Variants in B3GALT1 observed in about 807,000 individuals in gnomAD.
The protein encoded by B3GALT1 is beta-1,3-galactosyltransferase 1.
Under a neutral mutation model 23.2 loss-of-function variants are expected in B3GALT1, and 10 were observed. That is an observed-to-expected ratio of 0.43 (90% CI 0.27 to 0.73). B3GALT1 has a LOEUF of 0.73. Ranked by LOEUF, B3GALT1 falls within the 30% of genes least tolerant of loss-of-function variation. The probability of loss-of-function intolerance (pLI) is 0.21; values close to 1 mark genes in which losing one functional copy is unlikely to be tolerated. For synonymous variants in B3GALT1, 156 were observed against 141.5 expected, an observed-to-expected ratio of 1.10 and a Z score of -0.73; for missense variants, 299 against 405.4, an observed-to-expected ratio of 0.74 and a Z score of 2.25.
At chr2:167,689,673 C>G (rs989112341) in intron 3 of B3GALT1, among the ~76,000 whole-genome samples, 6 of 151,980 alleles carry the variant, frequency 3.9e-5, no homozygotes, top group African/African-American at 9.7e-5. Context: ...TGGCTGCTGT[C>G]GGGAAACCAG....
At chr2:167,836,495 C>T (rs376330471) in intron 4 of B3GALT1, among the ~76,000 whole-genome samples, 86 of 152,202 alleles carry the variant, frequency 5.7e-4, no homozygotes, top group African/African-American at 1.6e-3. Context: ...TAAAAAGAAA[C>T]GAACAAAGCC....
intron 1 of B3GALT1, among the ~76,000 whole-genome samples, chr2:167,388,900 C>T (rs1697973876): frequency 6.6e-6 from 1 of 152,168 alleles, no homozygotes; most frequent in Non-Finnish European, 1.5e-5. Context: ...TGATATTTGA[C>T]ACATTTGACT....
intron 2 of B3GALT1, among the ~76,000 whole-genome samples, chr2:167,559,877 C>A (rs1413996836): frequency 6.6e-6 from 1 of 152,208 alleles, no homozygotes; most frequent in Non-Finnish European, 1.5e-5. Context: ...TTGGAAAACA[C>A]TCTGCAGGAT....
chr2:167,711,962 C>T (rs571788756), intron 3 of B3GALT1, among the ~76,000 whole-genome samples: 2 of 152,208 alleles, frequency 1.3e-5, no homozygotes, highest in African/African-American at 2.4e-5. Context: ...AGCGCAACTT[C>T]GTCTCAAAAA....
chr2:167,512,650 A>ATTTTT (rs1351913159), intron 2 of B3GALT1, among the ~76,000 whole-genome samples: 4 of 119,638 alleles, frequency 3.3e-5, no homozygotes, highest in Non-Finnish European at 5.1e-5. Flanking sequence ...ATATATATAT[A>ATTTTT]TTTTGAGATA....
chr2:167,680,775 A>AT (rs142099743), intron 3 of B3GALT1, among the ~76,000 whole-genome samples: 5 of 151,712 alleles, frequency 3.3e-5, no homozygotes, highest in Non-Finnish European at 5.9e-5. Flanking sequence ...TTCGCGCAGA[A>AT]TTTTTTTTTA....
Position 167,870,700 on chromosome 2 carries a change from G to T in B3GALT1, c.*680G>T, listed in dbSNP as rs1690328235. 1 of 166,198 alleles carries T rather than the reference G, an allele frequency of 6.0e-6. No homozygotes were observed. Among genetic ancestry groups the T allele is most frequent in the African/African-American group, 2.4e-5 (1 of 41,016 alleles). 10.3% of individuals were successfully genotyped at this position (166,198 alleles called of 1,614,324 possible). A position where few individuals can be genotyped will look rare whatever the true frequency, so the allele number is the denominator to read the frequency against. Reference sequence around the variant, plus strand: ...ATGCTACTTAACAAAGTAAACAAAAGATTTTTTTTTTCTTTTTTTTTCTTT... The same window carrying T: ...ATGCTACTTAACAAAGTAAACAAAATATTTTTTTTTTCTTTTTTTTTCTTT... On this transcript the variant is annotated 3_prime_UTR_variant, in exon 5 of 5. Coordinates refer to ENST00000392690, the MANE Select transcript of B3GALT1 (RefSeq NM_020981.4).
intron 1 of B3GALT1, among the ~76,000 whole-genome samples, chr2:167,415,360 C>G (rs1698452876): frequency 6.6e-6 from 1 of 152,284 alleles, no homozygotes; most frequent in Admixed American, 6.5e-5. Context: ...AGAAGGCCCT[C>G]CCTGATGTGG....
chr2:167,498,579 T>C (rs1699807781), intron 2 of B3GALT1, among the ~76,000 whole-genome samples: 1 of 152,120 alleles, frequency 6.6e-6, no homozygotes, highest in Non-Finnish European at 1.5e-5. Context: ...TTGAAAGAAG[T>C]AGGAGATCAG....
At chr2:167,775,442 G>C (rs1688145481) in intron 3 of B3GALT1, among the ~76,000 whole-genome samples, 1 of 151,802 alleles carries the variant, frequency 6.6e-6, no homozygotes, top group Admixed American at 6.6e-5. Flanking sequence ...GGTGGCGCGT[G>C]CCTGTAGTCC....
At chr2:167,358,958 C>T (rs910807569) in intron 1 of B3GALT1, among the ~76,000 whole-genome samples, 3 of 152,086 alleles carry the variant, frequency 2.0e-5, no homozygotes, top group Admixed American at 6.6e-5. Flanking sequence ...TGCACCACCA[C>T]GCCTGGCTAA....
At chr2:167,635,771 A>C (rs1298581638) in intron 2 of B3GALT1, among the ~76,000 whole-genome samples, 1 of 152,160 alleles carries the variant, frequency 6.6e-6, no homozygotes, top group Non-Finnish European at 1.5e-5. Flanking sequence ...CATACTGACC[A>C]AAGTAATTTA....
intron 2 of B3GALT1, among the ~76,000 whole-genome samples, chr2:167,581,215 C>T (rs1385151026): frequency 1.3e-5 from 2 of 152,306 alleles, no homozygotes; most frequent in African/African-American, 4.8e-5. Context: ...ATTTAAAAGA[C>T]TGCCCATGTC....
intron 1 of B3GALT1, among the ~76,000 whole-genome samples, chr2:167,421,232 T>C (rs1201681918): frequency 6.6e-6 from 1 of 152,228 alleles, no homozygotes; most frequent in Non-Finnish European, 1.5e-5. Flanking sequence ...GGAATTCTGA[T>C]CTTTAGTTGT....
chr2:167,422,366 C>G (rs551446287), intron 1 of B3GALT1, among the ~76,000 whole-genome samples: 99 of 152,236 alleles, frequency 6.5e-4, no homozygotes, highest in Admixed American at 1.6e-3. Flanking sequence ...TTTCTAGCCT[C>G]CAGAACTATG....
chr2:167,812,960 T>TACACACACAC (rs376818432), intron 3 of B3GALT1, among the ~76,000 whole-genome samples: 1 of 140,000 alleles, frequency 7.1e-6, no homozygotes, highest in Non-Finnish European at 1.5e-5. Context: ...CATACATGCA[T>TACACACACAC]ACACACACAC....
At chr2:167,846,764 T>C (rs577108868) in intron 4 of B3GALT1, among the ~76,000 whole-genome samples, 1 of 152,304 alleles carries the variant, frequency 6.6e-6, no homozygotes, top group South Asian at 2.1e-4. Context: ...CACATTTCAA[T>C]ACTAACATTG....
intron 2 of B3GALT1, among the ~76,000 whole-genome samples, chr2:167,581,355 T>C (rs927600524): frequency 6.6e-6 from 1 of 152,238 alleles, no homozygotes; most frequent in Non-Finnish European, 1.5e-5. Flanking sequence ...AGAAACACTA[T>C]AATAAATTGC....
Position 167,868,956 on chromosome 2 carries a change from A to G in B3GALT1, c.-84A>G. The G allele has an allele frequency of 6.9e-7, 1 of 1,453,720 alleles. No homozygotes were observed. Among genetic ancestry groups the G allele is most frequent in the Non-Finnish European group, 9.3e-7 (1 of 1,079,760 alleles). 90.1% of individuals were successfully genotyped at this position (1,453,720 alleles called of 1,614,324 possible). A position where few individuals can be genotyped will look rare whatever the true frequency, so the allele number is the denominator to read the frequency against. On this transcript the variant is annotated 5_prime_UTR_variant, in exon 5 of 5. Coordinates refer to ENST00000392690, the MANE Select transcript of B3GALT1 (RefSeq NM_020981.4). ...TATCAAACTTGAAGATTTATTAGTAATATGCTGCCTTTGGAAGATGAAAAC... is the reference window on the plus strand; with the variant it reads ...TATCAAACTTGAAGATTTATTAGTAGTATGCTGCCTTTGGAAGATGAAAAC...
Sources: allele counts gnomAD v4.1 joint callset (sites outside exome capture counted in the v4.1 genomes callset), GRCh38; gene constraint gnomAD v4.1.1; transcripts MANE v1.5; gene names NCBI Gene and HGNC (gene_info 2026-07-23, HGNC 2026-07-21).